Variants in RUNX1T1 observed in about 807,000 individuals in gnomAD.
RUNX1T1 encodes protein CBFA2T1.
RUNX1T1 carries 4 observed loss-of-function variants against 62.8 expected under a neutral mutation model. The ratio of observed to expected loss-of-function variants is 0.06; its 90% CI spans 0.03 to 0.15. RUNX1T1 has a LOEUF of 0.15. Among genes scored for constraint, RUNX1T1 ranks in the 10% least tolerant of loss-of-function variants. The probability of loss-of-function intolerance (pLI) is 1.00; values close to 1 mark genes in which losing one functional copy is unlikely to be tolerated. For synonymous variants in RUNX1T1, 291 were observed against 286.0 expected (o/e 1.02, Z -0.18); for missense variants, 508 against 754.3 (o/e 0.67, Z 3.82).
At chr8:92,029,908 C>T (rs1035138260) in intron 1 of RUNX1T1, among the ~76,000 whole-genome samples, 2 of 152,140 alleles carry the variant, frequency 1.3e-5, no homozygotes, top group African/African-American at 4.8e-5. Context: ...AACAAAAATT[C>T]TTAAAAATCA....
chr8:92,006,114 T>G (rs939279652), intron 4 of RUNX1T1: 1 of 152,060 alleles, frequency 6.6e-6, no homozygotes, highest in African/African-American at 2.4e-5. Context: ...GATAGGCTGA[T>G]CGGTAATTCT....
chr8:91,960,975 T>C (rs909961826), intron 10 of RUNX1T1, among the ~76,000 whole-genome samples: 2 of 152,348 alleles, frequency 1.3e-5, no homozygotes, highest in Admixed American at 6.5e-5. Context: ...CATATCTATA[T>C]TGGATTCAAA....
upstream of RUNX1T1, among the ~76,000 whole-genome samples, chr8:92,066,200 G>A (rs879662761): frequency 6.6e-6 from 1 of 152,086 alleles, no homozygotes; most frequent in East Asian, 1.9e-4. Context: ...ATCACCCAAC[G>A]AGCATTGATG....
exon 10 of RUNX1T1, chr8:91,970,725 G>A (rs374793956): frequency 3.0e-5 from 48 of 1,613,576 alleles, no homozygotes; most frequent in Non-Finnish European, 4.1e-5. Flanking sequence ...TTTGGCCTCG[G>A]CGACCGTGCG....
chr8:92,005,778 C>G, intron 4 of RUNX1T1: 1 of 152,600 alleles, frequency 6.6e-6, no homozygotes, highest in East Asian at 1.9e-4. Flanking sequence ...TATCTTTTGT[C>G]AAGTACTAAC....
At chr8:92,089,935 A>T (rs1836722896) in intron 1 of RUNX1T1, among the ~76,000 whole-genome samples, 1 of 150,964 alleles carries the variant, frequency 6.6e-6, no homozygotes, top group African/African-American at 2.4e-5. Flanking sequence ...TAAAAAAAAA[A>T]AAAAAAAAAA....
At chr8:92,092,652 A>G (rs2130913750) in intron 1 of RUNX1T1, among the ~76,000 whole-genome samples, 3 of 152,358 alleles carry the variant, frequency 2.0e-5, no homozygotes, top group Middle Eastern at 6.8e-3. Context: ...TTTTCAATAC[A>G]TGTATTTAAA....
chr8:92,043,156 C>T (rs142879107), intron 1 of RUNX1T1, among the ~76,000 whole-genome samples: 2 of 152,176 alleles, frequency 1.3e-5, no homozygotes, highest in Non-Finnish European at 2.9e-5. Context: ...ATACATATTT[C>T]TCAGACCTCT....
At chr8:92,048,203 G>A (rs965353863) in intron 1 of RUNX1T1, among the ~76,000 whole-genome samples, 6 of 152,210 alleles carry the variant, frequency 3.9e-5, no homozygotes, top group African/African-American at 1.4e-4. Flanking sequence ...CAATACACTT[G>A]TTTTAGACGT....
chr8:92,089,041 C>T (rs965059377), intron 1 of RUNX1T1, among the ~76,000 whole-genome samples: 1 of 152,140 alleles, frequency 6.6e-6, no homozygotes, highest in Non-Finnish European at 1.5e-5. Context: ...CTCTGACATC[C>T]ATTTCTAATG....
chr8:92,096,788 A>T (rs1443394058), intron 1 of RUNX1T1, among the ~76,000 whole-genome samples: 4 of 152,100 alleles, frequency 2.6e-5, no homozygotes, highest in African/African-American at 9.7e-5. Context: ...TAAAATGGGG[A>T]TGAAGGGTAA....
chr8:92,045,631 CAT>C (rs748895741), intron 1 of RUNX1T1, among the ~76,000 whole-genome samples: 12 of 152,144 alleles, frequency 7.9e-5, no homozygotes, highest in Non-Finnish European at 1.5e-4. Flanking sequence ...AAAATCCTCT[CAT>C]GTTGATTTGG....
At chr8:92,100,613 G>T (rs1179629480), upstream of RUNX1T1, among the ~76,000 whole-genome samples, 2 of 152,074 alleles carry the variant, frequency 1.3e-5, no homozygotes, top group Non-Finnish European at 2.9e-5. Flanking sequence ...CATCCTGGCT[G>T]CAAAAAAAGC....
At chr8:92,014,274 C>T (rs537941058) in intron 3 of RUNX1T1, among the ~76,000 whole-genome samples, 4 of 143,666 alleles carry the variant, frequency 2.8e-5, no homozygotes, top group Non-Finnish European at 6.0e-5. Flanking sequence ...CTGAAATACA[C>T]GTGCACATAC....
chr8:92,010,425 T>C (rs1013305653), intron 4 of RUNX1T1: 4 of 152,310 alleles, frequency 2.6e-5, no homozygotes, highest in African/African-American at 9.6e-5. Context: ...TTCTTTCTCT[T>C]GTGAACTTTG....
At chr8:92,043,207 T>C (rs1349656285) in intron 1 of RUNX1T1, among the ~76,000 whole-genome samples, 1 of 152,162 alleles carries the variant, frequency 6.6e-6, no homozygotes, top group Non-Finnish European at 1.5e-5. Flanking sequence ...TCCAAAAAAA[T>C]AAAGTTTCCA....
intron 8 of RUNX1T1, among the ~76,000 whole-genome samples, chr8:91,981,731 T>C (rs1364008834): frequency 6.6e-6 from 1 of 152,106 alleles, no homozygotes; most frequent in Non-Finnish European, 1.5e-5. Flanking sequence ...TTCTTATAAA[T>C]GCTAAGCTTG....
intron 1 of RUNX1T1, among the ~76,000 whole-genome samples, chr8:92,029,478 T>A (rs1825843923): frequency 6.6e-6 from 1 of 152,112 alleles, no homozygotes; most frequent in Admixed American, 6.5e-5. Flanking sequence ...TGCCCTCGAA[T>A]AAGTAGGAAC....
At chr8:92,094,957 G>T (rs1837570930) in intron 1 of RUNX1T1, 1 of 1,097,610 alleles carries the variant, frequency 9.1e-7, no homozygotes, top group Non-Finnish European at 1.3e-6. Flanking sequence ...CCCCTTTATC[G>T]AGTCTCTTTA....
Sources: gnomAD v4.1 joint callset for allele counts (sites outside exome capture counted in the v4.1 genomes callset) on GRCh38, gnomAD v4.1.1 for gene constraint, MANE v1.5 for transcripts, NCBI Gene and HGNC (gene_info 2026-07-23, HGNC 2026-07-21) for gene names.